SCMH1: variants seen among roughly 807,000 people sequenced by gnomAD.
SCMH1 encodes polycomb protein SCMH1.
Under a neutral mutation model 70.8 loss-of-function variants are expected in SCMH1, and 37 were observed. The observed-to-expected ratio is 0.52, with a 90% CI of 0.40 to 0.69. SCMH1 has a LOEUF of 0.69. Among genes scored for constraint, SCMH1 ranks in the 30% least tolerant of loss-of-function variants. The pLI is 0.00. For missense variants in SCMH1, 607 were observed against 827.3 expected (o/e 0.73, Z 3.27); for synonymous variants, 292 against 307.4 (o/e 0.95, Z 0.52).
At chr1:41,171,148 A>G (rs1355452964) in intron 2 of SCMH1, among the ~76,000 whole-genome samples, 1 of 152,226 alleles carries the variant, frequency 6.6e-6, no homozygotes, top group Non-Finnish European at 1.5e-5. Context: ...TGCCAGTAGC[A>G]GAGATCAACA....
intron 13 of SCMH1, among the ~76,000 whole-genome samples, chr1:41,032,114 C>T (rs934769740): frequency 3.3e-5 from 5 of 152,132 alleles, no homozygotes; most frequent in African/African-American, 1.2e-4. Context: ...TCTGCTGGTG[C>T]CTTGATCTTG....
intron 13 of SCMH1, among the ~76,000 whole-genome samples, chr1:41,029,105 G>A: frequency 6.6e-6 from 1 of 152,134 alleles, no homozygotes; most frequent in East Asian, 1.9e-4. Flanking sequence ...AGCCTGGTAA[G>A]ATTAGAGACA....
intron 6 of SCMH1, among the ~76,000 whole-genome samples, chr1:41,119,950 G>A (rs566457103): frequency 3.3e-5 from 5 of 152,196 alleles, no homozygotes; most frequent in Non-Finnish European, 7.4e-5. Context: ...AAATTCAAGC[G>A]TGGTGTTTAT....
At chr1:41,043,339 C>G (rs987644493) in intron 12 of SCMH1, 3 of 152,120 alleles carry the variant, frequency 2.0e-5, no homozygotes, top group African/African-American at 7.2e-5. Flanking sequence ...AGTGATCTGC[C>G]CACCTTGGCA....
intron 10 of SCMH1, among the ~76,000 whole-genome samples, chr1:41,069,921 G>T (rs980930559): frequency 1.3e-5 from 2 of 152,138 alleles, no homozygotes; most frequent in Non-Finnish European, 2.9e-5. Flanking sequence ...CTTCCATGGG[G>T]ATCATGCCAA....
At chr1:41,043,457 C>G in intron 12 of SCMH1, 1 of 150,208 alleles carries the variant, frequency 6.7e-6, no homozygotes, top group Non-Finnish European at 1.5e-5. Flanking sequence ...GAGTCTCGCT[C>G]TGTCGCCCAG....
At chr1:41,169,306 C>G (rs938534373) in intron 2 of SCMH1, among the ~76,000 whole-genome samples, 1 of 152,154 alleles carries the variant, frequency 6.6e-6, no homozygotes, top group Non-Finnish European at 1.5e-5. Flanking sequence ...CATCAGCTCC[C>G]GAATGTAAGT....
At chr1:41,061,873 A>T (rs1298914259) in intron 10 of SCMH1, among the ~76,000 whole-genome samples, 1 of 150,806 alleles carries the variant, frequency 6.6e-6, no homozygotes, top group African/African-American at 2.4e-5. Flanking sequence ...AAAATTTCTC[A>T]TTTTTTTTTG....
intron 4 of SCMH1, among the ~76,000 whole-genome samples, chr1:41,155,911 G>A (rs1303459719): frequency 6.6e-6 from 1 of 150,722 alleles, no homozygotes; most frequent in Non-Finnish European, 1.5e-5. Flanking sequence ...CTTGAACCCG[G>A]GAGGTGGAGG....
Position 41,142,046 on chromosome 1 carries a change from T to C in SCMH1, c.412+832A>G, listed in dbSNP as rs147023808. 3.9e-4 allele frequency among the ~76,000 whole-genome samples: 60 copies of C among 152,312 alleles called. No homozygotes were observed. The East Asian group carries it at 0.01, about 26-fold the overall frequency. On this transcript the variant is annotated intron_variant, in intron 6 of 14. Coordinates refer to ENST00000337495, the Ensembl canonical transcript of SCMH1. ...GTATACAAGTATAGATAAAATTATA[T>C]TGACTTCAACAATGAAGGTTACATG... is the stretch of plus-strand genomic sequence containing the variant.
rs553376868 is a variant in SCMH1 at position 41,181,725 on chromosome 1, A to G, written c.13+4396T>C. ...CAGGTGCTGGAGCGGATGTGGAGAAATAGGAACACTTTTACACTGTTGGTG... is the reference window on the plus strand; with the variant it reads ...CAGGTGCTGGAGCGGATGTGGAGAAGTAGGAACACTTTTACACTGTTGGTG... On this transcript the variant is annotated intron_variant, in intron 2 of 14. Transcript: ENST00000337495. 2.0e-5 allele frequency among the ~76,000 whole-genome samples: 3 copies of G among 152,324 alleles called. No individual in the cohort carries two copies. The South Asian group carries it at 6.2e-4, about 32-fold the overall frequency.
intron 7 of SCMH1, 101 bp downstream of exon 7, chr1:41,116,821 T>A: frequency 1.2e-6 from 1 of 852,578 alleles, no homozygotes; most frequent in Admixed American, 2.9e-5. Flanking sequence ...TGAACTAATT[T>A]CTGAGAAGGC....
intron 1 of SCMH1, among the ~76,000 whole-genome samples, chr1:41,232,087 G>A (rs1661418857): frequency 6.6e-6 from 1 of 151,790 alleles, no homozygotes; most frequent in Non-Finnish European, 1.5e-5. Context: ...GTTTTCTCAT[G>A]ATTAGACTCA....
chr1:41,037,289 C>T, intron 13 of SCMH1, 73 bp downstream of exon 13: 1 of 1,480,024 alleles, frequency 6.8e-7, no homozygotes, highest in Non-Finnish European at 9.2e-7. Context: ...CCTCTCTGGC[C>T]TCCCAGAGCT....
At chr1:41,138,092 G>C (rs1643644199) in intron 6 of SCMH1, among the ~76,000 whole-genome samples, 1 of 152,034 alleles carries the variant, frequency 6.6e-6, no homozygotes, top group Admixed American at 6.6e-5. Context: ...ATGGGCTTGG[G>C]GTTATAATAT....
chr1:41,129,272 T>C (rs1674007925), intron 6 of SCMH1, among the ~76,000 whole-genome samples: 1 of 152,130 alleles, frequency 6.6e-6, no homozygotes, highest in Non-Finnish European at 1.5e-5. Flanking sequence ...CCATTCACAT[T>C]ATTAGGCAAC....
At chr1:41,124,382 C>T (rs1033017469) in intron 6 of SCMH1, among the ~76,000 whole-genome samples, 1 of 152,134 alleles carries the variant, frequency 6.6e-6, no homozygotes, top group Non-Finnish European at 1.5e-5. Flanking sequence ...TTTTTAAATA[C>T]AGGATCCAAT....
At chr1:41,209,251 G>A (rs751369351) in intron 1 of SCMH1, among the ~76,000 whole-genome samples, 16 of 152,108 alleles carry the variant, frequency 1.1e-4, no homozygotes, top group Non-Finnish European at 2.1e-4. Flanking sequence ...AAAAGTCCAG[G>A]ACTAGATGGA....
chr1:41,031,420 A>T (rs912622337), intron 13 of SCMH1, among the ~76,000 whole-genome samples: 1 of 152,280 alleles, frequency 6.6e-6, no homozygotes, highest in Middle Eastern at 3.4e-3. Context: ...ATTTGCCTTC[A>T]TTCTGGGTCC....
Sources: allele counts gnomAD v4.1 joint callset (sites outside exome capture counted in the v4.1 genomes callset), GRCh38; gene constraint gnomAD v4.1.1; transcripts MANE v1.5; gene names NCBI Gene and HGNC (gene_info 2026-07-23, HGNC 2026-07-21).